The following RGS3 variants were observed in gnomAD, a reference collection of about 807,000 sequenced individuals.
The protein encoded by RGS3 is regulator of G protein signaling 3, also known as regulator of G-protein signalling 3.
RGS3 carries 80 observed loss-of-function variants against 132.6 expected under a neutral mutation model. That is an observed-to-expected ratio of 0.60 (90% confidence interval 0.50 to 0.73). The LOEUF is 0.73. RGS3 is among the 30% of genes least tolerant of loss of function. RGS3 has a pLI of 0.00. For missense variants in RGS3, 1,382 were observed against 1,530.8 expected (o/e 0.90, Z 1.62); for synonymous variants, 598 against 620.6 (o/e 0.96, Z 0.54).
At chr9:113,500,299 G>A (rs1486419642) in intron 10 of RGS3, among the ~76,000 whole-genome samples, 2 of 152,232 alleles carry the variant, frequency 1.3e-5, no homozygotes, top group African/African-American at 4.8e-5. Context: ...TGGAGGCCCA[G>A]AAACCTGGGT....
chr9:113,501,323 A>T, intron 10 of RGS3: 1 of 1,045,940 alleles, frequency 9.6e-7, no homozygotes, highest in Non-Finnish European at 1.3e-6. Flanking sequence ...AATACTAACT[A>T]GTTGACAGGA....
At chr9:113,569,706 A>G (rs961814090) in intron 19 of RGS3, among the ~76,000 whole-genome samples, 3 of 150,624 alleles carry the variant, frequency 2.0e-5, no homozygotes, top group Non-Finnish European at 1.5e-5. Context: ...TACTAGTGGC[A>G]TAGATCTAAA....
exon 23 of RGS3, chr9:113,594,920 C>T: frequency 6.2e-7 from 1 of 1,613,934 alleles, no homozygotes; most frequent in Non-Finnish European, 8.5e-7. Flanking sequence ...ACCCCTCAGG[C>T]CCACCTCAGA....
chr9:113,532,347 C>G (rs992976297), intron 18 of RGS3, among the ~76,000 whole-genome samples: 4 of 151,988 alleles, frequency 2.6e-5, no homozygotes, highest in African/African-American at 9.7e-5. Flanking sequence ...CTGGAGGGAG[C>G]TGGCTTAGTG....
chr9:113,588,306 G>A (rs866989172), intron 20 of RGS3, among the ~76,000 whole-genome samples: 23 of 152,374 alleles, frequency 1.5e-4, no homozygotes, highest in Middle Eastern at 3.4e-3. Context: ...TATTTCGGAT[G>A]TGTAAACAAG....
chr9:113,558,889 C>G (rs1439403811), intron 19 of RGS3, among the ~76,000 whole-genome samples: 1 of 152,254 alleles, frequency 6.6e-6, no homozygotes, highest in Non-Finnish European at 1.5e-5. Flanking sequence ...AACAAGCAGC[C>G]TGTGAACCCA....
chr9:113,489,631 C>T (rs920842882), intron 7 of RGS3, among the ~76,000 whole-genome samples: 4 of 152,102 alleles, frequency 2.6e-5, no homozygotes, highest in Admixed American at 2.6e-4. Flanking sequence ...TCTAATGACC[C>T]TCCAGCCTCA....
intron 19 of RGS3, among the ~76,000 whole-genome samples, chr9:113,555,597 G>A (rs575599663): frequency 1.4e-4 from 21 of 152,124 alleles, no homozygotes; most frequent in African/African-American, 4.8e-4. Flanking sequence ...CTTCTGAGTA[G>A]TTGGGATTAC....
At chr9:113,572,327 G>C (rs1285929820) in intron 19 of RGS3, among the ~76,000 whole-genome samples, 2 of 151,968 alleles carry the variant, frequency 1.3e-5, no homozygotes, top group Admixed American at 6.6e-5. Flanking sequence ...GTTTGGAGAA[G>C]ACTGTAAATT....
In RGS3 at chr9:113,564,225, A is replaced by G. The variant is rs150065356; in HGVS notation, c.2038-19225A>G. The stretch of plus-strand genomic sequence containing the variant: ...GTCCTGGCTATACAGACAACTGGCT[A>G]TGTGACTGTGGGCAACTTCCTTTGC... On this transcript the variant is annotated intron_variant, in intron 19 of 24. Transcript: ENST00000350696. Among the ~76,000 whole-genome samples, 215 of 152,346 alleles carry G rather than the reference A, an allele frequency of 1.4e-3. 1 individual carries two copies. Among genetic ancestry groups the G allele is most frequent in the African/African-American group, 2.6e-3 (110 of 41,584 alleles).
chr9:113,564,884 A>T, intron 19 of RGS3: 1 of 983,048 alleles, frequency 1.0e-6, no homozygotes, highest in Non-Finnish European at 1.2e-6. Flanking sequence ...GCAGCCTCCC[A>T]CTGGGACAGG....
rs1830906329 is a variant in RGS3 at position 113,501,714 on chromosome 9, C to T, written c.897+3634C>T. 4 of 1,362,844 alleles carry T rather than the reference C, an allele frequency of 2.9e-6. No individual in the cohort carries two copies. In the South Asian group the frequency reaches 3.7e-5, roughly 13 times the overall value. 84.4% of individuals were successfully genotyped at this position (1,362,844 alleles called of 1,614,324 possible). ...ACCATCTGAGAAGGATCTCGCTCCT[C>T]ACAAGGTCTTCTTTGACCTTTCCTG... On this transcript the variant is annotated intron_variant, in intron 10 of 24. Coordinates refer to ENST00000350696, the Ensembl canonical transcript of RGS3.
At chr9:113,562,239 G>A (rs938769468) in intron 19 of RGS3, among the ~76,000 whole-genome samples, 1 of 152,168 alleles carries the variant, frequency 6.6e-6, no homozygotes, top group African/African-American at 2.4e-5. Context: ...ACTTTGGGAG[G>A]CTGAGACGGG....
At chr9:113,522,472 C>T (rs1269987523) in intron 16 of RGS3, 9 of 154,788 alleles carry the variant, frequency 5.8e-5, no homozygotes, top group Admixed American at 5.1e-4. Flanking sequence ...TGACTTCTGA[C>T]TTTCAAGTCC....
rs1408900778 is a variant in RGS3 at position 113,522,960 on chromosome 9, C to T, written c.1789C>T (p.Leu597Phe). The T allele has an allele frequency of 3.1e-6, 5 of 1,613,902 alleles. No individual in the cohort carries two copies. The East Asian group carries it at 1.1e-4, about 36-fold the overall frequency. The change falls in exon 17 of 25, where the codon CTC (leucine) becomes TTC (phenylalanine). Residue 597 changes from leucine (L) to phenylalanine (F), a missense_variant. Physicochemically the swap from Leu to Phe is conservative, Grantham distance 22. Coordinates refer to ENST00000350696, the Ensembl canonical transcript of RGS3. ...ACTGTTTGCCTATTCGGACCTGCTG[C>T]TCTTCACCAAGGAGGACGAGCCTGG...
intron 19 of RGS3, chr9:113,581,508 C>T (rs1399008210): frequency 1.3e-5 from 2 of 152,280 alleles, no homozygotes; most frequent in African/African-American, 4.8e-5. Context: ...GAATTTCCCT[C>T]TAGATCAATG....
At chr9:113,450,360 C>T (rs192981317) in intron 1 of RGS3, among the ~76,000 whole-genome samples, 1 of 152,318 alleles carries the variant, frequency 6.6e-6, no homozygotes, top group East Asian at 1.9e-4. Flanking sequence ...CATGAGCCAC[C>T]GTGCCTGGCC....
chr9:113,483,137 A>G lies in RGS3; in HGVS notation c.525+20A>G. 1.9e-6 allele frequency: 3 copies of G among 1,555,434 alleles called. No homozygotes were observed. The highest frequency in any genetic ancestry group is 1.8e-6 in the Non-Finnish European group (2 of 1,128,276). On this transcript the variant is annotated intron_variant, in intron 5 of 24. Coordinates refer to ENST00000350696, the Ensembl canonical transcript of RGS3. ...GTGAAGGTATGTGGTGGGGCCGGAG[A>G]TGGAGAGTGGGATATTGAGGGGCCA...
At chr9:113,552,386 G>A (rs889929622) in intron 19 of RGS3, among the ~76,000 whole-genome samples, 3 of 151,866 alleles carry the variant, frequency 2.0e-5, no homozygotes, top group Admixed American at 1.3e-4. Flanking sequence ...GAGTGATCTC[G>A]GCTCATTGCA....
Sources: allele counts gnomAD v4.1 joint callset (sites outside exome capture counted in the v4.1 genomes callset), GRCh38; gene constraint gnomAD v4.1.1; transcripts MANE v1.5; gene names NCBI Gene and HGNC (gene_info 2026-07-23, HGNC 2026-07-21).